The following SRFBP1 variants were observed in gnomAD, a reference collection of about 807,000 sequenced individuals.
The protein encoded by SRFBP1 is serum response factor binding protein 1.
SRFBP1 carries 47 observed loss-of-function variants against 45.5 expected under a neutral mutation model. That is an observed-to-expected ratio of 1.03 (90% confidence interval 0.82 to 1.32). The LOEUF is 1.32. SRFBP1 is among the 40% of genes most tolerant of loss of function. The pLI, the probability that SRFBP1 is intolerant of heterozygous loss-of-function variation, is 0.00. For missense variants in SRFBP1, 621 were observed against 484.6 expected (o/e 1.28, Z -2.64); for synonymous variants, 203 against 166.3 (o/e 1.22, Z -1.70).
In SRFBP1 at chr5:122,019,542, AT is replaced by A. The variant is rs565868647; in HGVS notation, c.352+202del. Among the ~76,000 whole-genome samples the A allele has an allele frequency of 2.6e-5, 4 of 151,640 alleles. No homozygotes were observed. The South Asian group carries it at 8.3e-4, about 31-fold the overall frequency. On this transcript the variant is annotated intron_variant, in intron 5 of 7. Transcript: ENST00000339397. ...AATCTGTATTGTTTAGTAAATTCTA[AT>A]ATGTGAACGTATAATACGTAATATA...
chr5:122,042,653 A>T (rs1261130739), intron 2 of SRFBP1, among the ~76,000 whole-genome samples: 1 of 152,184 alleles, frequency 6.6e-6, no homozygotes, highest in Admixed American at 6.6e-5. Context: ...TTAGTTAGTT[A>T]ACAATTTTCC....
chr5:121,980,268 A>G (rs1752382987), intron 3 of SRFBP1, among the ~76,000 whole-genome samples: 1 of 152,164 alleles, frequency 6.6e-6, no homozygotes, highest in South Asian at 2.1e-4. Flanking sequence ...ATAATATAAT[A>G]ATAGTGTTTT....
At chr5:122,012,745 A>T (rs76152291) in intron 4 of SRFBP1, among the ~76,000 whole-genome samples, 84 of 152,280 alleles carry the variant, frequency 5.5e-4, no homozygotes, top group Non-Finnish European at 9.6e-4. Context: ...ATTCAATGAA[A>T]GCCTCAATTC....
intron 2 of SRFBP1, among the ~76,000 whole-genome samples, chr5:122,052,667 T>G (rs911163840): frequency 1.3e-5 from 2 of 152,200 alleles, no homozygotes; most frequent in Admixed American, 6.5e-5. Flanking sequence ...CAGTGATTCT[T>G]AGCTTCCTTG....
chr5:121,984,647 A>G (rs1752478084), intron 3 of SRFBP1, among the ~76,000 whole-genome samples: 1 of 151,854 alleles, frequency 6.6e-6, no homozygotes, highest in South Asian at 2.1e-4. Context: ...TAGCCATAGT[A>G]CACTTTAATT....
intron 4 of SRFBP1, among the ~76,000 whole-genome samples, chr5:122,009,210 G>T (rs1388584224): frequency 6.6e-6 from 1 of 152,008 alleles, no homozygotes; most frequent in Non-Finnish European, 1.5e-5. Context: ...GTAGCGCCTG[G>T]TTTTATCTTT....
intron 2 of SRFBP1, among the ~76,000 whole-genome samples, chr5:122,037,422 T>C (rs1753711027): frequency 6.6e-6 from 1 of 152,246 alleles, no homozygotes; most frequent in African/African-American, 2.4e-5. Context: ...CCATTCCTCA[T>C]AGAATTCTTA....
At chr5:122,057,056 A>G (rs1254560189) in intron 2 of SRFBP1, among the ~76,000 whole-genome samples, 2 of 152,206 alleles carry the variant, frequency 1.3e-5, no homozygotes, top group Admixed American at 6.5e-5. Context: ...GAAGAATGTT[A>G]TGTAAAGCAT....
At chr5:121,994,569 C>A (rs777060900) in intron 3 of SRFBP1, 30 bp from the exon 4 acceptor site, 7 of 1,481,582 alleles carry the variant, frequency 4.7e-6, no homozygotes, top group Middle Eastern at 1.7e-4. Context: ...AGACACATAA[C>A]TAAAATTAAT....
chr5:121,990,634 C>G (rs550964402), intron 3 of SRFBP1, among the ~76,000 whole-genome samples: 32 of 152,264 alleles, frequency 2.1e-4, no homozygotes, highest in Non-Finnish European at 4.4e-4. Context: ...CAGTTCTGTT[C>G]AACATGTGTC....
At chr5:122,047,905 G>C (rs1753894420) in intron 2 of SRFBP1, among the ~76,000 whole-genome samples, 1 of 152,190 alleles carries the variant, frequency 6.6e-6, no homozygotes, top group African/African-American at 2.4e-5. Flanking sequence ...TGTATCCTGA[G>C]ACTTTGCTGA....
rs370313274 is a variant in SRFBP1, at chr5:121,962,087, A to C, written c.36+19A>C. ...TAACGAGGTGAGCGCCGAGGAACCT[A>C]TGGGGCTGACTTTAAGGGTCCTCAA... On this transcript the variant is annotated intron_variant, in intron 1 of 7. Coordinates refer to ENST00000339397, the MANE Select transcript of SRFBP1 (RefSeq NM_152546.3). The C allele has an allele frequency of 1.2e-6, 2 of 1,613,862 alleles. No individual in the cohort carries two copies. Among genetic ancestry groups the C allele is most frequent in the Non-Finnish European group, 1.7e-6 (2 of 1,179,960 alleles).
chr5:121,992,733 A>G (rs1752643615), intron 3 of SRFBP1, among the ~76,000 whole-genome samples: 2 of 152,066 alleles, frequency 1.3e-5, no homozygotes. Context: ...TCTCAATCAA[A>G]TAACATGTTT....
intron 4 of SRFBP1, among the ~76,000 whole-genome samples, chr5:122,015,838 C>T (rs1753184309): frequency 6.6e-6 from 1 of 152,150 alleles, no homozygotes; most frequent in Admixed American, 6.6e-5. Flanking sequence ...TTATTTTAAG[C>T]ACTAGCTATT....
chr5:122,034,366 C>G (rs551887361), intron 2 of SRFBP1, among the ~76,000 whole-genome samples: 1 of 152,166 alleles, frequency 6.6e-6, no homozygotes, highest in East Asian at 1.9e-4. Context: ...TCTTTAAAAA[C>G]AAAATCTTAA....
At chr5:122,066,803 G>A in intron 2 of SRFBP1, 1 of 1,082,800 alleles carries the variant, frequency 9.2e-7, no homozygotes, top group Non-Finnish European at 1.4e-6. Flanking sequence ...TATAATGAAT[G>A]AGTACAACAG....
exon 3 of SRFBP1, chr5:122,075,568 T>C (rs1252667319): frequency 1.8e-5 from 27 of 1,482,112 alleles, no homozygotes; most frequent in Non-Finnish European, 2.4e-5. Flanking sequence ...AGAAAAATTA[T>C]TATATTCATG....
downstream of SRFBP1, among the ~76,000 whole-genome samples, chr5:122,029,556 A>G (rs1246524813): frequency 6.6e-6 from 1 of 152,134 alleles, no homozygotes; most frequent in African/African-American, 2.4e-5. Context: ...TTTGCCTCAC[A>G]AATTCTAATC....
chr5:122,068,933 G>T (rs777053342), intron 2 of SRFBP1, among the ~76,000 whole-genome samples: 1 of 151,952 alleles, frequency 6.6e-6, no homozygotes, highest in African/African-American at 2.4e-5. Context: ...GTGTTCTGGC[G>T]GTGGGGGTCG....
Sources: allele counts gnomAD v4.1 joint callset (sites outside exome capture counted in the v4.1 genomes callset), GRCh38; gene constraint gnomAD v4.1.1; transcripts MANE v1.5; gene names NCBI Gene and HGNC (gene_info 2026-07-23, HGNC 2026-07-21).